PPP2R5A: variants seen among roughly 807,000 people sequenced by gnomAD.
PPP2R5A encodes serine/threonine-protein phosphatase 2A 56 kDa regulatory subunit alpha isoform.
In PPP2R5A, 25 loss-of-function variants were observed where a neutral mutation model predicts 64.2. That is an observed-to-expected ratio of 0.39 (90% confidence interval 0.28 to 0.54). The LOEUF (loss-of-function observed/expected upper bound fraction) is 0.54, where lower values mean the gene tolerates loss of function less well. PPP2R5A is among the 20% of genes least tolerant of loss of function. PPP2R5A has a pLI of 0.67. For synonymous variants in PPP2R5A, 198 were observed against 201.2 expected (o/e 0.98, Z 0.13); for missense variants, 425 against 576.3 (o/e 0.74, Z 2.69).
At chr1:212,341,925 A>C (rs1571604820) in intron 3 of PPP2R5A, among the ~76,000 whole-genome samples, 1 of 152,194 alleles carries the variant, frequency 6.6e-6, no homozygotes, top group East Asian at 1.9e-4. Flanking sequence ...ATTTGTATAG[A>C]CAGCGGTCTC....
chr1:212,309,450 C>T lies in PPP2R5A; in HGVS notation c.182-19685C>T. 3.1e-6 allele frequency: 3 copies of T among 975,914 alleles called. No homozygotes were observed. In the Admixed American group the frequency reaches 5.1e-5, roughly 16 times the overall value. 60.5% of individuals were successfully genotyped at this position (975,914 alleles called of 1,614,324 possible). On this transcript the variant is annotated intron_variant, in intron 1 of 12. Transcript: ENST00000261461. Reference sequence around the variant, plus strand: ...CACCTTTCAACATTGCCTTTTTGGCCTTTAAAGCCTTCGCTTTGTCTTCGG... The same window carrying T: ...CACCTTTCAACATTGCCTTTTTGGCTTTTAAAGCCTTCGCTTTGTCTTCGG...
chr1:212,326,994 G>A (rs550385786), intron 1 of PPP2R5A, among the ~76,000 whole-genome samples: 6 of 152,098 alleles, frequency 3.9e-5, no homozygotes, highest in Non-Finnish European at 7.3e-5. Context: ...GACCTACTAC[G>A]GTTCAGCAGT....
intron 1 of PPP2R5A, among the ~76,000 whole-genome samples, chr1:212,289,173 G>A (rs1658558679): frequency 6.6e-6 from 1 of 152,116 alleles, no homozygotes; most frequent in South Asian, 2.1e-4. Context: ...TAACATTTTA[G>A]CATTTTAAAA....
intron 1 of PPP2R5A, chr1:212,309,094 G>T: frequency 1.1e-6 from 1 of 880,200 alleles, no homozygotes; most frequent in East Asian, 2.4e-5. Context: ...ATTGTAATCA[G>T]GAGCCAGTCA....
At chr1:212,323,839 C>T (rs1056815646) in intron 1 of PPP2R5A, among the ~76,000 whole-genome samples, 21 of 151,890 alleles carry the variant, frequency 1.4e-4, no homozygotes, top group Non-Finnish European at 1.3e-4. Flanking sequence ...TTTGGGAGGC[C>T]GAGGTGGGTG....
chr1:212,300,068 C>T (rs1162960102), intron 1 of PPP2R5A, among the ~76,000 whole-genome samples: 1 of 152,170 alleles, frequency 6.6e-6, no homozygotes, highest in Non-Finnish European at 1.5e-5. Flanking sequence ...CCTGCCTCTG[C>T]CTCCTAAAGT....
Position 212,336,533 on chromosome 1 carries a change from T to C in PPP2R5A, c.480+2935T>C, listed in dbSNP as rs566720569. On this transcript the variant is annotated intron_variant, in intron 3 of 12. Coordinates refer to ENST00000261461, the MANE Select transcript of PPP2R5A (RefSeq NM_006243.4). ...CTCTGCCTTAGATATAGTTAAAAAA[T>C]CTTTCTGAAAACCAAAATTTCTAGA... Among the ~76,000 whole-genome samples, 137 of 152,342 alleles carry C rather than the reference T, an allele frequency of 9.0e-4. 1 individual carries two copies. The highest frequency in any genetic ancestry group is 3.0e-3 in the Admixed American group (46 of 15,296).
chr1:212,356,457 G>C (rs1233850018), intron 8 of PPP2R5A, among the ~76,000 whole-genome samples, 169 bp from the exon 9 acceptor site: 1 of 152,274 alleles, frequency 6.6e-6, no homozygotes, highest in Non-Finnish European at 1.5e-5. Context: ...GTAAATGTTA[G>C]TTGAATTAAT....
chr1:212,327,524 C>T (rs1659426627), intron 1 of PPP2R5A, among the ~76,000 whole-genome samples: 1 of 152,010 alleles, frequency 6.6e-6, no homozygotes. Flanking sequence ...CAGTGATTCT[C>T]CTTCCTCAGC....
At chr1:212,299,937 C>T (rs924586092) in intron 1 of PPP2R5A, among the ~76,000 whole-genome samples, 11 of 151,922 alleles carry the variant, frequency 7.2e-5, no homozygotes, top group Non-Finnish European at 1.5e-4. Flanking sequence ...CTCAGCCTCC[C>T]GAGTAGCTGG....
At chr1:212,306,050 A>G (rs940810196) in intron 1 of PPP2R5A, among the ~76,000 whole-genome samples, 1 of 152,156 alleles carries the variant, frequency 6.6e-6, no homozygotes, top group Non-Finnish European at 1.5e-5. Flanking sequence ...ACCTGAACAA[A>G]GGGGCACGAG....
At chr1:212,343,750 A>G (rs12756678) in intron 4 of PPP2R5A, among the ~76,000 whole-genome samples, 25,317 of 152,196 alleles carry the variant, frequency 0.17, 2,553 homozygotes, top group Middle Eastern at 0.3. Flanking sequence ...TGTGTGGGAT[A>G]CATTAGGGAG....
chr1:212,312,968 A>G (rs1056662479), intron 1 of PPP2R5A, among the ~76,000 whole-genome samples: 3 of 152,238 alleles, frequency 2.0e-5, no homozygotes, highest in African/African-American at 7.2e-5. Flanking sequence ...AAAAATTATC[A>G]CTTCAACATA....
chr1:212,341,399 A>G (rs1029184120), intron 3 of PPP2R5A, among the ~76,000 whole-genome samples: 3 of 152,212 alleles, frequency 2.0e-5, no homozygotes, highest in African/African-American at 7.2e-5. Context: ...TTTTATAGAA[A>G]GACCAGAAGT....
chr1:212,355,839 T>C (rs1392695586), intron 8 of PPP2R5A, among the ~76,000 whole-genome samples: 1 of 152,082 alleles, frequency 6.6e-6, no homozygotes, highest in Non-Finnish European at 1.5e-5. Context: ...AGGCCGAGGC[T>C]GGTGGATCAC....
At chr1:212,349,953 G>A (rs970481198) in intron 8 of PPP2R5A, among the ~76,000 whole-genome samples, 5 of 152,166 alleles carry the variant, frequency 3.3e-5, no homozygotes, top group African/African-American at 1.2e-4. Flanking sequence ...ATGCTTTCTA[G>A]GCATGTTCAG....
intron 12 of PPP2R5A, among the ~76,000 whole-genome samples, chr1:212,359,601 T>C (rs1378188495): frequency 2.0e-5 from 3 of 152,178 alleles, no homozygotes; most frequent in Non-Finnish European, 1.5e-5. Context: ...GCCCACCCAT[T>C]ATTTGAGGAT....
At chr1:212,336,399 G>T (rs1376117194) in intron 3 of PPP2R5A, among the ~76,000 whole-genome samples, 1 of 152,160 alleles carries the variant, frequency 6.6e-6, no homozygotes, top group Non-Finnish European at 1.5e-5. Flanking sequence ...ACAGGCATGA[G>T]CCACTGTGTC....
At chr1:212,358,155 T>C (rs990849290) in intron 11 of PPP2R5A, 2 of 152,316 alleles carry the variant, frequency 1.3e-5, no homozygotes, top group African/African-American at 4.8e-5. Flanking sequence ...TCAAACCCTC[T>C]TGGGGAGACC....
Sources: allele counts gnomAD v4.1 joint callset (sites outside exome capture counted in the v4.1 genomes callset), GRCh38; gene constraint gnomAD v4.1.1; transcripts MANE v1.5; gene names NCBI Gene and HGNC (gene_info 2026-07-23, HGNC 2026-07-21).